TMEM255A: variants seen among roughly 807,000 people sequenced by gnomAD.
TMEM255A encodes the protein transmembrane protein 255A.
In TMEM255A, 14 loss-of-function variants were observed where a neutral mutation model predicts 23.5. That is an observed-to-expected ratio of 0.60 (90% CI 0.39 to 0.93). TMEM255A has a LOEUF of 0.93. Among genes scored for constraint, TMEM255A ranks in the 40% least tolerant of loss-of-function variants. TMEM255A has a pLI of 0.00. For missense variants in TMEM255A, 233 were observed against 261.7 expected, an observed-to-expected ratio of 0.89 and a Z score of 0.76; for synonymous variants, 104 against 100.3, an observed-to-expected ratio of 1.04 and a Z score of -0.22.
chrX:120,289,850 G>A (rs1556022564), intron 4 of TMEM255A, among the ~76,000 whole-genome samples: 3 of 111,316 alleles, frequency 2.7e-5, no homozygotes, highest in Non-Finnish European at 5.7e-5. Flanking sequence ...TCCATAAAAC[G>A]GAATGAAGTA....
At chrX:120,296,442 CCAA>C (rs2057956807) in intron 2 of TMEM255A, among the ~76,000 whole-genome samples, 1 of 103,037 alleles carries the variant, frequency 9.7e-6, no homozygotes, top group East Asian at 3.0e-4. Context: ...CTATTCCACT[CCAA>C]TGCATTCAGT....
chrX:120,272,011 TCAA>T (rs1382888552), intron 7 of TMEM255A, among the ~76,000 whole-genome samples: 11 of 112,278 alleles, frequency 9.8e-5, no homozygotes, highest in Admixed American at 6.6e-4. Context: ...CTCTTACAAC[TCAA>T]CAACAACAAA....
chrX:120,271,546 TAAG>T (rs1435627244), intron 7 of TMEM255A, among the ~76,000 whole-genome samples: 1 of 111,487 alleles, frequency 9.0e-6, no homozygotes, highest in African/African-American at 3.3e-5. Flanking sequence ...ACAGTGAAAT[TAAG>T]AACGCAGAAA....
chrX:120,275,289 G>C (rs1224002043), intron 7 of TMEM255A, among the ~76,000 whole-genome samples: 1 of 111,979 alleles, frequency 8.9e-6, no homozygotes, highest in Non-Finnish European at 1.9e-5. Flanking sequence ...ATGAGAGAGG[G>C]AGAGAAAGAA....
In TMEM255A at chrX:120,259,626, A is replaced by G. The variant is rs1326432295; in HGVS notation, c.*1244T>C. 1.8e-5 allele frequency: 2 copies of G among 112,264 alleles called. No homozygotes were observed. Among genetic ancestry groups the G allele is most frequent in the African/African-American group, 3.2e-5 (1 of 30,775 alleles). 9.3% of individuals were successfully genotyped at this position (112,264 alleles called of 1,213,427 possible). A position where few individuals can be genotyped will look rare whatever the true frequency, so the allele number is the denominator to read the frequency against. ...CCTTTAAATCAATTCTCAGGTTAAC[A>G]TAAGATCACAATGAAGGTGTTCATT... On this transcript the variant is annotated 3_prime_UTR_variant, in exon 9 of 9. Coordinates refer to ENST00000371369, the MANE Select transcript of TMEM255A (RefSeq NM_001104544.3).
chrX:120,296,981 TTATATATATATTATATATAATATATA>T (rs2057988565), intron 2 of TMEM255A, among the ~76,000 whole-genome samples: 1 of 2,677 alleles, frequency 3.7e-4, no homozygotes, highest in African/African-American at 2.1e-3. Context: ...ATTATATATA[TTATATATATATTATATATAATATATA>T]ATATTATATA....
chrX:120,297,999 T>G (rs782495380), intron 2 of TMEM255A, among the ~76,000 whole-genome samples: 1 of 111,364 alleles, frequency 9.0e-6, no homozygotes, highest in South Asian at 3.9e-4. Flanking sequence ...CCTCAAGAGC[T>G]TCATGGAATC....
rs782624510 is a variant in TMEM255A, at chrX:120,296,100, G to A, written c.202-2049C>T. On this transcript the variant is annotated intron_variant, in intron 2 of 8. Coordinates refer to ENST00000371369, the MANE Select transcript of TMEM255A (RefSeq NM_001104544.3). ...TTGTTGAGTTGAGAGAAATTTGGAGGCAGCTTCTTACGGGAAAAATAAGTC... is the reference window on the plus strand; with the variant it reads ...TTGTTGAGTTGAGAGAAATTTGGAGACAGCTTCTTACGGGAAAAATAAGTC... Among the ~76,000 whole-genome samples the A allele has an allele frequency of 3.6e-5, 4 of 112,147 alleles. No individual in the cohort carries two copies. The South Asian group carries it at 1.5e-3, about 41-fold the overall frequency.
intron 8 of TMEM255A, among the ~76,000 whole-genome samples, chrX:120,264,677 C>T (rs1478556211): frequency 1.0e-4 from 11 of 110,296 alleles, no homozygotes; most frequent in Non-Finnish European, 5.7e-5. Context: ...AATGGGAAGT[C>T]ATTCAGAAGA....
chrX:120,298,437 T>C (rs782278084), intron 2 of TMEM255A, among the ~76,000 whole-genome samples: 1 of 111,208 alleles, frequency 9.0e-6, no homozygotes, highest in Non-Finnish European at 1.9e-5. Context: ...TTTTTTTTTC[T>C]TGAATGTAAC....
Position 120,285,125 on chromosome X carries a change from A to C in TMEM255A, c.512+2T>G. On this transcript the variant is annotated splice_donor_variant, in intron 6 of 8. Coordinates refer to ENST00000371369, the MANE Select transcript of TMEM255A (RefSeq NM_001104544.3). LOFTEE classifies it high-confidence loss of function. ...TTCCTGTGTCTGGGCCTCAACACTT[A>C]CTTGCCACAGTTGTAGAGGTCACAG... 8.3e-7 allele frequency: 1 copy of C among 1,205,234 alleles called. No homozygotes were observed.
chrX:120,296,862 A>AT lies in TMEM255A; in HGVS notation c.202-2812_202-2811insA, dbSNP rs1268446716. Among the ~76,000 whole-genome samples, 5 of 1,771 alleles carry AT rather than the reference A, an allele frequency of 2.8e-3. 1 individual carries two copies. Among genetic ancestry groups the AT allele is most frequent in the Non-Finnish European group, 4.3e-3 (5 of 1,168 alleles). The allele number at this position is 1,771 out of a possible 115,157, so 1.5% of individuals were successfully genotyped here. ...ATAATATATATCATATATAATATAT[A>AT]ATATATTATATATCATATATATTAT... On this transcript the variant is annotated intron_variant, in intron 2 of 8. Coordinates refer to ENST00000371369, the MANE Select transcript of TMEM255A (RefSeq NM_001104544.3).
Position 120,276,969 on chromosome X carries a change from C to T in TMEM255A, c.591G>A (p.Leu197=), listed in dbSNP as rs1323856663. 8.3e-7 allele frequency: 1 copy of T among 1,210,953 alleles called. No individual in the cohort carries two copies. The highest frequency in any genetic ancestry group is 1.7e-5 in the African/African-American group (1 of 57,734). The change falls in exon 7 of 9, where the codon CTG becomes CTA. Residue 197 remains leucine, a synonymous_variant. Coordinates refer to ENST00000371369, the MANE Select transcript of TMEM255A (RefSeq NM_001104544.3). ...SCQDIIHLYH[L]LWSATILNIV... is the part of the protein sequence containing the mutation. ...TGTTGAGGATGGTGGCAGACCAGAGCAGGTGGTAGAGGTGGATGATATCTT... is the reference window on the plus strand; with the variant it reads ...TGTTGAGGATGGTGGCAGACCAGAGTAGGTGGTAGAGGTGGATGATATCTT...
chrX:120,274,273 G>A (rs1556019336), intron 7 of TMEM255A, among the ~76,000 whole-genome samples: 1 of 111,846 alleles, frequency 8.9e-6, no homozygotes, highest in Admixed American at 9.4e-5. Context: ...GGGGCAACAA[G>A]GAGTGATTGT....
rs1367447810 is a variant in TMEM255A at position 120,260,182 on chromosome X, A to G, written c.*688T>C. The G allele has an allele frequency of 1.3e-6, 1 of 746,301 alleles. No homozygotes were observed. Among genetic ancestry groups the G allele is most frequent in the Admixed American group, 8.7e-5 (1 of 11,485 alleles). 61.5% of individuals were successfully genotyped at this position (746,301 alleles called of 1,213,427 possible). ...CATCTCACATGTTGCTGTGTATTTC[A>G]GTGTTTCCGGAACAATACATCCTGT... On this transcript the variant is annotated 3_prime_UTR_variant, in exon 9 of 9. Coordinates refer to ENST00000371369, the MANE Select transcript of TMEM255A (RefSeq NM_001104544.3).
chrX:120,255,302 C>T (rs1180750813), downstream of TMEM255A: 1 of 1,209,743 alleles, frequency 8.3e-7, no homozygotes, highest in Non-Finnish European at 1.1e-6. Flanking sequence ...CAGTAGGGAC[C>T]ACTACATCTA....
At chrX:120,271,048 C>G (rs2057756497) in intron 7 of TMEM255A, among the ~76,000 whole-genome samples, 1 of 111,464 alleles carries the variant, frequency 9.0e-6, no homozygotes, top group Non-Finnish European at 1.9e-5. Context: ...TCTTTGCTTT[C>G]ATTTTTTTTC....
chrX:120,276,697 A>G (rs938917001), intron 7 of TMEM255A, among the ~76,000 whole-genome samples, 188 bp downstream of exon 7: 4 of 111,507 alleles, frequency 3.6e-5, no homozygotes, highest in Non-Finnish European at 7.5e-5. Flanking sequence ...TATAACAAGA[A>G]ATATTTGCAG....
chrX:120,309,029 C>A (rs782282109), intron 1 of TMEM255A, among the ~76,000 whole-genome samples: 1 of 112,738 alleles, frequency 8.9e-6, no homozygotes, highest in South Asian at 3.7e-4. Flanking sequence ...CTGTCCTCTT[C>A]CCCCCACGCA....
Sources: allele counts gnomAD v4.1 joint callset (sites outside exome capture counted in the v4.1 genomes callset), GRCh38; gene constraint gnomAD v4.1.1; transcripts MANE v1.5; gene names NCBI Gene and HGNC (gene_info 2026-07-23, HGNC 2026-07-21).